Variants in PSMG4 observed in about 807,000 individuals in gnomAD.
PSMG4 encodes the protein proteasome (prosome, macropain) assembly chaperone 4.
Under a neutral mutation model 11.0 loss-of-function variants are expected in PSMG4, and 10 were observed. The ratio of observed to expected loss-of-function variants is 0.91; its 90% confidence interval spans 0.56 to 1.54. The LOEUF (loss-of-function observed/expected upper bound fraction) is 1.54. Ranked by LOEUF, PSMG4 falls within the 40% of genes most tolerant of loss-of-function variation. PSMG4 has a pLI of 0.00. For missense variants in PSMG4, 198 were observed against 160.9 expected (o/e 1.23, Z -1.25); for synonymous variants, 95 against 71.3 (o/e 1.33, Z -1.68).
chr6:3,259,147 G>A lies in PSMG4; in HGVS notation c.125G>A (p.Gly42Glu), dbSNP rs1396678957. 3 of 1,304,618 alleles carry A rather than the reference G, an allele frequency of 2.3e-6. No individual in the cohort carries two copies. Among genetic ancestry groups the A allele is most frequent in the Non-Finnish European group, 2.9e-6 (3 of 1,026,480 alleles). The allele number at this position is 1,304,618 out of a possible 1,614,324, so 80.8% of individuals were successfully genotyped here. Residue 42 changes from glycine to glutamate, a missense_variant, in exon 1 of 3, where the codon GGG (glycine) becomes GAG (glutamate). Coordinates refer to ENST00000438998, the MANE Select transcript of PSMG4 (RefSeq NM_001128591.2). ...ACGGACTCGCTGTTCCTGTGGGTGG[G>A]GGCCACGCCGCACCTGCGCAACCTC... is the stretch of plus-strand genomic sequence containing the variant. ...RLTDSLFLWV[G>E]ATPHLRNLAV...
chr6:3,258,516 C>G (rs1294818299), upstream of PSMG4, among the ~76,000 whole-genome samples: 1 of 152,178 alleles, frequency 6.6e-6, no homozygotes, highest in Non-Finnish European at 1.5e-5. Flanking sequence ...TGGCCGTTCT[C>G]AGAGTGCTTG....
chr6:3,256,020 T>TAAC (rs1581541878), upstream of PSMG4, among the ~76,000 whole-genome samples: 1 of 152,374 alleles, frequency 6.6e-6, no homozygotes, highest in South Asian at 2.1e-4. Context: ...TGGTTGGGTT[T>TAAC]ATAGAAGTCA....
chr6:3,259,398 T>C (rs1757885936), intron 1 of PSMG4, among the ~76,000 whole-genome samples: 1 of 152,150 alleles, frequency 6.6e-6, no homozygotes, highest in African/African-American at 2.4e-5. Context: ...CCCGGGCCCC[T>C]CTCCTTGTCC....
At chr6:3,254,517 T>C (rs936357705), upstream of PSMG4, among the ~76,000 whole-genome samples, 3 of 152,138 alleles carry the variant, frequency 2.0e-5, no homozygotes, top group Admixed American at 6.5e-5. Flanking sequence ...GTTGGGTTTA[T>C]GAGCTGTAAC....
At chr6:3,260,303 T>TTTTTTTTTC (rs1480499536) in intron 1 of PSMG4, among the ~76,000 whole-genome samples, 2 of 134,078 alleles carry the variant, frequency 1.5e-5, no homozygotes, top group Non-Finnish European at 3.1e-5. Context: ...TTTTTTTTTT[T>TTTTTTTTTC]TTTTTTGAAG....
chr6:3,260,786 G>T (rs1379861766), intron 1 of PSMG4, among the ~76,000 whole-genome samples: 2 of 152,164 alleles, frequency 1.3e-5, no homozygotes, highest in African/African-American at 2.4e-5. Context: ...GCAACAGAAT[G>T]ATAGTTTTAA....
At chr6:3,256,065 G>A (rs147525852), upstream of PSMG4, among the ~76,000 whole-genome samples, 787 of 152,294 alleles carry the variant, frequency 5.2e-3, 2 homozygotes, top group Non-Finnish European at 8.0e-3. Context: ...GAATTAAATA[G>A]CAATATGAAG....
chr6:3,254,626 G>A (rs185485017), upstream of PSMG4, among the ~76,000 whole-genome samples: 13 of 152,252 alleles, frequency 8.5e-5, no homozygotes, highest in Admixed American at 4.6e-4. Flanking sequence ...TTTAAGAGGT[G>A]TAACACTGAT....
chr6:3,260,390 C>G (rs1374881879), intron 1 of PSMG4, among the ~76,000 whole-genome samples: 1 of 149,070 alleles, frequency 6.7e-6, no homozygotes, highest in Non-Finnish European at 1.5e-5. Context: ...CTCCCAGGTT[C>G]AAGCAGTTCT....
chr6:3,255,369 T>A, upstream of PSMG4: 1 of 1,427,564 alleles, frequency 7.0e-7, no homozygotes, highest in Non-Finnish European at 9.3e-7. Flanking sequence ...TTTCCTGTGG[T>A]GGATGATGTT....
At chr6:3,267,540 G>A in intron 2 of PSMG4, 51 bp from the exon 3 acceptor site, 1 of 1,541,740 alleles carries the variant, frequency 6.5e-7, no homozygotes, top group Non-Finnish European at 8.8e-7. Flanking sequence ...GAGGAACACG[G>A]GGCCTGCAGT....
upstream of PSMG4, chr6:3,255,266 G>T (rs1227266613): frequency 1.3e-6 from 2 of 1,545,578 alleles, no homozygotes; most frequent in East Asian, 2.4e-5. Context: ...GTGTTACCAC[G>T]GCTGTCTTAC....
chr6:3,264,952 G>A (rs920834991), intron 2 of PSMG4: 4 of 152,320 alleles, frequency 2.6e-5, no homozygotes, highest in Non-Finnish European at 4.4e-5. Flanking sequence ...GGCTCAGGAA[G>A]GTATTCATAT....
chr6:3,265,908 C>T (rs377708209), intron 2 of PSMG4: 1 of 129,548 alleles, frequency 7.7e-6, no homozygotes, highest in East Asian at 2.2e-4. Flanking sequence ...TGCCTTTGTC[C>T]GGACACATTC....
chr6:3,255,861 T>A (rs4997726), upstream of PSMG4, among the ~76,000 whole-genome samples: 103,714 of 150,448 alleles, frequency 0.69, 38,644 homozygotes, highest in Non-Finnish European at 0.83. Context: ...CTCACGTGAA[T>A]GCAAATTGTT....
chr6:3,264,623 G>C (rs930662851), intron 2 of PSMG4: 5 of 281,672 alleles, frequency 1.8e-5, no homozygotes, highest in Non-Finnish European at 3.3e-5. Flanking sequence ...AGGTCAGGGA[G>C]GGCACAGGTC....
chr6:3,258,451 G>A (rs1389042311), upstream of PSMG4, among the ~76,000 whole-genome samples: 1 of 152,212 alleles, frequency 6.6e-6, no homozygotes, highest in Non-Finnish European at 1.5e-5. Flanking sequence ...GCTGGGTGCC[G>A]TCGAAGCCTC....
upstream of PSMG4, among the ~76,000 whole-genome samples, chr6:3,254,463 G>T (rs1213554627): frequency 1.3e-5 from 2 of 151,608 alleles, no homozygotes; most frequent in Admixed American, 6.6e-5. Context: ...TTTTTTGTGT[G>T]TCTTTTTAGA....
In PSMG4 at chr6:3,259,160, C is replaced by T; in HGVS notation, c.138C>T (p.His46=). The T allele has an allele frequency of 7.6e-7, 1 of 1,308,866 alleles. No homozygotes were observed. The highest frequency in any genetic ancestry group is 9.7e-7 in the Non-Finnish European group (1 of 1,028,946). The allele number at this position is 1,308,866 out of a possible 1,614,324, so 81.1% of individuals were successfully genotyped here. A position where few individuals can be genotyped will look rare whatever the true frequency, so the allele number is the denominator to read the frequency against. Residue 46 remains histidine (H), a synonymous_variant, in exon 1 of 3, where the codon CAC becomes CAT. Coordinates refer to ENST00000438998, the MANE Select transcript of PSMG4 (RefSeq NM_001128591.2). ...SLFLWVGATP[H]LRNLAVAMCS... is the part of the protein sequence containing the mutation. ...TCCTGTGGGTGGGGGCCACGCCGCA[C>T]CTGCGCAACCTCGCCGTGGCCATGT... is the stretch of plus-strand genomic sequence containing the variant.
Sources: gnomAD v4.1 joint callset for allele counts (sites outside exome capture counted in the v4.1 genomes callset) on GRCh38, gnomAD v4.1.1 for gene constraint, MANE v1.5 for transcripts, NCBI Gene and HGNC (gene_info 2026-07-23, HGNC 2026-07-21) for gene names.